The following CDIN1 variants were observed in gnomAD, a reference collection of about 807,000 sequenced individuals.
CDIN1 encodes the protein CDAN1 interacting nuclease 1.
CDIN1 carries 33 observed loss-of-function variants against 45.3 expected under a neutral mutation model. The observed-to-expected ratio is 0.73, with a 90% confidence interval of 0.55 to 0.97. The LOEUF is 0.97. Among genes scored for constraint, CDIN1 ranks in the 50% least tolerant of loss-of-function variants. The pLI is 0.00. For synonymous variants in CDIN1, 118 were observed against 124.4 expected, an observed-to-expected ratio of 0.95 and a Z score of 0.34; for missense variants, 303 against 339.4, an observed-to-expected ratio of 0.89 and a Z score of 0.84.
At chr15:36,736,834 C>A (rs561487444) in intron 10 of CDIN1, among the ~76,000 whole-genome samples, 2 of 152,206 alleles carry the variant, frequency 1.3e-5, no homozygotes, top group Middle Eastern at 3.4e-3. Context: ...TACTTCTAGC[C>A]AAACAAATAT....
chr15:36,666,588 C>T (rs1040952224), intron 5 of CDIN1, among the ~76,000 whole-genome samples: 5 of 152,122 alleles, frequency 3.3e-5, no homozygotes, highest in African/African-American at 1.2e-4. Flanking sequence ...CCTTAGATAC[C>T]AATTTGGACC....
At chr15:36,761,089 C>A (rs1595566507) in intron 10 of CDIN1, among the ~76,000 whole-genome samples, 1 of 152,156 alleles carries the variant, frequency 6.6e-6, no homozygotes. Context: ...TTCACCGGCA[C>A]ATCTAAAAGC....
chr15:36,685,614 G>A (rs1221966578), intron 5 of CDIN1, among the ~76,000 whole-genome samples: 1 of 152,092 alleles, frequency 6.6e-6, no homozygotes, highest in Non-Finnish European at 1.5e-5. Flanking sequence ...CCATCAGAGT[G>A]AACAGGCAAC....
chr15:36,619,028 TA>T lies in CDIN1; in HGVS notation c.102-25249del. 3 of 1,401,350 alleles carry T rather than the reference TA, an allele frequency of 2.1e-6. No homozygotes were observed. The South Asian group carries it at 4.0e-5, about 19-fold the overall frequency. The allele number at this position is 1,401,350 out of a possible 1,614,324, so 86.8% of individuals were successfully genotyped here. The stretch of plus-strand genomic sequence containing the variant: ...CCACTATGGGAACTTCGCTCCAATG[TA>T]GTGTCTCCCACGACAAACAAAGACA... On this transcript the variant is annotated intron_variant, in intron 1 of 10. Transcript: ENST00000566621.
Position 36,808,369 on chromosome 15 carries a change from G to T in CDIN1, c.762G>T (p.Glu254Asp). ...TCTATTGGTATGGATTTATCCAGGA[G>T]CTGGACTGCAACCGGGAAAGGGGCA... ...LVIYWYGFIQ[E>D]LDCNRERGIL... The change falls in exon 11 of 11, where the codon GAG becomes GAT. Residue 254 changes from glutamate to aspartate, a missense_variant. By Grantham distance (45) the Glu-to-Asp change is conservative (BLOSUM62 2). Transcript: ENST00000566621. 1 of 1,613,594 alleles carries T rather than the reference G, an allele frequency of 6.2e-7. No individual in the cohort carries two copies. The highest frequency in any genetic ancestry group is 8.5e-7 in the Non-Finnish European group (1 of 1,179,630).
At chr15:36,701,660 G>C (rs900998933) in intron 8 of CDIN1, among the ~76,000 whole-genome samples, 2 of 152,150 alleles carry the variant, frequency 1.3e-5, no homozygotes, top group Non-Finnish European at 2.9e-5. Context: ...AATGGTTCTG[G>C]AGATATTTTA....
chr15:36,743,215 G>A (rs1419120480), intron 10 of CDIN1, among the ~76,000 whole-genome samples: 1 of 152,142 alleles, frequency 6.6e-6, no homozygotes, highest in African/African-American at 2.4e-5. Flanking sequence ...TAGGGGAGTA[G>A]CATGATCATA....
chr15:36,580,093 G>C, intron 1 of CDIN1, 132 bp downstream of exon 1: 1 of 749,468 alleles, frequency 1.3e-6, no homozygotes, highest in Non-Finnish European at 2.2e-6. Context: ...TTAGGAGGTC[G>C]AGGTTGGCGA....
Position 36,688,671 on chromosome 15 carries a change from G to T in CDIN1, c.347-3014G>T, listed in dbSNP as rs113244119. On this transcript the variant is annotated intron_variant, in intron 5 of 10. Transcript: ENST00000566621. Reference sequence around the variant, plus strand: ...TGCAAATTGGCCAGAGGTGGTCTAGGAACAGCTTCCATAAAAGACACAGGC... The same window carrying T: ...TGCAAATTGGCCAGAGGTGGTCTAGTAACAGCTTCCATAAAAGACACAGGC... Among the ~76,000 whole-genome samples the T allele has an allele frequency of 3.3e-3, 496 of 152,296 alleles. 4 individuals are homozygous for T. Among genetic ancestry groups the T allele is most frequent in the African/African-American group, 0.011 (462 of 41,574 alleles).
At chr15:36,617,334 T>C (rs1204727975) in intron 1 of CDIN1, 3 of 1,480,402 alleles carry the variant, frequency 2.0e-6, no homozygotes, top group Non-Finnish European at 2.8e-6. Context: ...CAAGAAATAC[T>C]ACAGGCATTG....
chr15:36,693,544 T>C (rs1234532113), intron 7 of CDIN1, among the ~76,000 whole-genome samples: 2 of 152,174 alleles, frequency 1.3e-5, no homozygotes, highest in East Asian at 3.8e-4. Context: ...GCACATAAAA[T>C]AGTTAAAAAT....
At chr15:36,696,085 T>C (rs1292687622) in intron 7 of CDIN1, among the ~76,000 whole-genome samples, 2 of 152,166 alleles carry the variant, frequency 1.3e-5, no homozygotes, top group Non-Finnish European at 2.9e-5. Flanking sequence ...CCTGTGCAGG[T>C]TCCTTCTAGG....
At chr15:36,687,998 C>T (rs1212760202) in intron 5 of CDIN1, among the ~76,000 whole-genome samples, 2 of 151,738 alleles carry the variant, frequency 1.3e-5, no homozygotes, top group Non-Finnish European at 2.9e-5. Flanking sequence ...AAAATTGTGG[C>T]ATGTAGCTAA....
chr15:36,791,220 A>G (rs2054637555), intron 10 of CDIN1, among the ~76,000 whole-genome samples: 1 of 152,220 alleles, frequency 6.6e-6, no homozygotes, highest in Admixed American at 6.5e-5. Context: ...ACCTACACAA[A>G]ATAGCTATGC....
At chr15:36,704,002 C>G (rs2042772579) in intron 8 of CDIN1, among the ~76,000 whole-genome samples, 1 of 152,164 alleles carries the variant, frequency 6.6e-6, no homozygotes, top group Non-Finnish European at 1.5e-5. Context: ...TCCCTACAAC[C>G]TGTCCTGTAT....
intron 5 of CDIN1, among the ~76,000 whole-genome samples, chr15:36,685,560 G>A (rs2042010471): frequency 1.3e-5 from 2 of 152,042 alleles, no homozygotes; most frequent in Non-Finnish European, 2.9e-5. Context: ...TTGACAAATG[G>A]GATCTAATTA....
chr15:36,708,949 A>G (rs915134100), intron 8 of CDIN1: 1 of 273,170 alleles, frequency 3.7e-6, no homozygotes, highest in Non-Finnish European at 6.8e-6. Flanking sequence ...AGTACTTTCA[A>G]TTACAAAAAA....
chr15:36,808,898 TCA>T lies in CDIN1; in HGVS notation c.*448_*449del. ...CCTCTCCCTTTCTCTTCATGTGCAC[TCA>T]CAGAGACCCAGCATTGCATTACCAT... is the stretch of plus-strand genomic sequence containing the variant. On this transcript the variant is annotated 3_prime_UTR_variant, in exon 11 of 11. Coordinates refer to ENST00000566621, the MANE Select transcript of CDIN1 (RefSeq NM_001321759.2). The T allele has an allele frequency of 2.2e-6, 1 of 456,240 alleles. No homozygotes were observed. The highest frequency in any genetic ancestry group is 7.0e-5 in the East Asian group (1 of 14,372). 28.3% of individuals were successfully genotyped at this position (456,240 alleles called of 1,614,324 possible).
At chr15:36,754,337 G>A (rs1215282676) in intron 10 of CDIN1, among the ~76,000 whole-genome samples, 3 of 152,052 alleles carry the variant, frequency 2.0e-5, no homozygotes, top group Non-Finnish European at 2.9e-5. Flanking sequence ...AGAATTATAA[G>A]GCTGTTAATG....
Sources: allele counts gnomAD v4.1 joint callset (sites outside exome capture counted in the v4.1 genomes callset), GRCh38; gene constraint gnomAD v4.1.1; transcripts MANE v1.5; gene names NCBI Gene and HGNC (gene_info 2026-07-23, HGNC 2026-07-21).